Variants in TRDN observed in about 807,000 individuals in gnomAD.
TRDN encodes triadin.
Under a neutral mutation model 149.7 loss-of-function variants are expected in TRDN, and 161 were observed. The ratio of observed to expected loss-of-function variants is 1.08; its 90% CI spans 0.95 to 1.23. The LOEUF (loss-of-function observed/expected upper bound fraction) is 1.23, where lower values mean the gene tolerates loss of function less well. Among genes scored for constraint, TRDN ranks in the 50% most tolerant of loss-of-function variants. The pLI is 0.00. For missense variants in TRDN, 896 were observed against 823.5 expected, an observed-to-expected ratio of 1.09 and a Z score of -1.08; for synonymous variants, 294 against 250.5, an observed-to-expected ratio of 1.17 and a Z score of -1.64.
intron 24 of TRDN, among the ~76,000 whole-genome samples, chr6:123,281,969 G>C (rs1303188907): frequency 6.6e-6 from 1 of 151,988 alleles, no homozygotes; most frequent in Non-Finnish European, 1.5e-5. Flanking sequence ...TGTGGAAATA[G>C]AGTTTTTGCA....
chr6:123,524,781 A>G (rs1385692566), intron 5 of TRDN, among the ~76,000 whole-genome samples: 1 of 152,178 alleles, frequency 6.6e-6, no homozygotes, highest in Middle Eastern at 3.2e-3. Flanking sequence ...CCTGAGTTCC[A>G]TAAGCATAGT....
rs1450489219 is a variant in TRDN, at chr6:123,346,486, A to G, written c.1369+6053T>C. Among the ~76,000 whole-genome samples the G allele has an allele frequency of 2.0e-5, 3 of 152,014 alleles. No individual in the cohort carries two copies. In the East Asian group the frequency reaches 5.8e-4, roughly 29 times the overall value. On this transcript the variant is annotated intron_variant, in intron 21 of 40. Coordinates refer to ENST00000334268, the MANE Select transcript of TRDN (RefSeq NM_006073.4). ...ATTGTAATCTTTGTGATGGATATGT[A>G]CACAGAAAGAAAATTGAGGTCCAAG...
At chr6:123,623,590 C>T (rs1785505776) in intron 1 of TRDN, among the ~76,000 whole-genome samples, 1 of 151,836 alleles carries the variant, frequency 6.6e-6, no homozygotes, top group Non-Finnish European at 1.5e-5. Context: ...TTCACTGAAC[C>T]CAAGATCACC....
chr6:123,542,173 T>C (rs1191059606), intron 4 of TRDN, among the ~76,000 whole-genome samples: 1 of 152,252 alleles, frequency 6.6e-6, no homozygotes, highest in Non-Finnish European at 1.5e-5. Flanking sequence ...AATCTCTTCC[T>C]CTGCCATTGA....
intron 38 of TRDN, among the ~76,000 whole-genome samples, chr6:123,250,360 A>G (rs933810436): frequency 2.6e-5 from 4 of 151,920 alleles, no homozygotes; most frequent in African/African-American, 9.7e-5. Flanking sequence ...CAAATGACTG[A>G]AAAAAAAGTC....
intron 2 of TRDN, among the ~76,000 whole-genome samples, chr6:123,553,245 G>T (rs182469805): frequency 6.6e-6 from 1 of 152,186 alleles, no homozygotes; most frequent in Admixed American, 6.5e-5. Flanking sequence ...CTACACAACT[G>T]GTGTTTCCAG....
At chr6:123,325,419 C>T (rs180884137) in intron 23 of TRDN, among the ~76,000 whole-genome samples, 1 of 151,908 alleles carries the variant, frequency 6.6e-6, no homozygotes. Context: ...ATATTCTAGA[C>T]CCAGTATTAG....
intron 38 of TRDN, among the ~76,000 whole-genome samples, chr6:123,242,121 C>T (rs1385140103): frequency 6.6e-6 from 1 of 152,138 alleles, no homozygotes; most frequent in Admixed American, 6.6e-5. Flanking sequence ...AGCCTTATGA[C>T]TCTTCCGGTT....
At chr6:123,260,561 A>G (rs1776727283) in intron 34 of TRDN, 51 bp downstream of exon 34, 3 of 1,459,428 alleles carry the variant, frequency 2.1e-6, no homozygotes, top group Non-Finnish European at 2.7e-6. Flanking sequence ...TTAAATTTAC[A>G]TACTGTTTCC....
intron 24 of TRDN, among the ~76,000 whole-genome samples, chr6:123,294,658 T>C (rs1778131555): frequency 7.1e-6 from 1 of 140,432 alleles, no homozygotes; most frequent in African/African-American, 2.6e-5. Flanking sequence ...CAGACAATAA[T>C]GCTCACTGGC....
In TRDN at chr6:123,269,883, C is replaced by T. The variant is rs1291623538; in HGVS notation, c.1721-17G>A. 3 of 1,609,342 alleles carry T rather than the reference C, an allele frequency of 1.9e-6. No individual in the cohort carries two copies. In the South Asian group the frequency reaches 3.3e-5, roughly 18 times the overall value. On this transcript the variant is annotated splice_polypyrimidine_tract_variant and intron_variant, in intron 30 of 40. Transcript: ENST00000334268. ...TGGGCTTGGCTGTGGAGAATGGAGG[C>T]AAGCACATGGCATATTGATGAGTAC... is the stretch of plus-strand genomic sequence containing the variant.
chr6:123,568,522 T>A (rs928725044), intron 2 of TRDN, among the ~76,000 whole-genome samples: 1 of 152,254 alleles, frequency 6.6e-6, no homozygotes, highest in Non-Finnish European at 1.5e-5. Context: ...ACCCAGAATT[T>A]CCCATACATT....
intron 1 of TRDN, among the ~76,000 whole-genome samples, chr6:123,598,641 A>G (rs575979416): frequency 6.6e-6 from 1 of 152,092 alleles, no homozygotes; most frequent in Non-Finnish European, 1.5e-5. Flanking sequence ...TTATTGGAAC[A>G]TAGCCACACC....
At chr6:123,394,862 T>A (rs1287642995) in intron 12 of TRDN, among the ~76,000 whole-genome samples, 1 of 152,136 alleles carries the variant, frequency 6.6e-6, no homozygotes, top group Non-Finnish European at 1.5e-5. Context: ...ATAATTAATT[T>A]TTTTTCTGGA....
intron 23 of TRDN, among the ~76,000 whole-genome samples, chr6:123,322,952 T>C (rs1330019712): frequency 6.6e-6 from 1 of 152,138 alleles, no homozygotes; most frequent in Non-Finnish European, 1.5e-5. Context: ...CCCACCTTTT[T>C]TCACTGTCTT....
intron 5 of TRDN, among the ~76,000 whole-genome samples, chr6:123,518,374 A>G (rs966692255): frequency 3.9e-5 from 6 of 152,162 alleles, no homozygotes; most frequent in East Asian, 1.9e-4. Context: ...AACCAAGAGA[A>G]AATCTTGGCA....
At chr6:123,612,378 G>A (rs1784863329) in intron 1 of TRDN, among the ~76,000 whole-genome samples, 1 of 151,434 alleles carries the variant, frequency 6.6e-6, no homozygotes. Flanking sequence ...CCTGCACGTT[G>A]TGCACATGTA....
intron 38 of TRDN, among the ~76,000 whole-genome samples, chr6:123,243,134 T>A (rs1776050858): frequency 6.6e-6 from 1 of 152,024 alleles, no homozygotes; most frequent in Admixed American, 6.6e-5. Context: ...AAACTACGTG[T>A]CCCTAGTTGC....
At chr6:123,228,367 T>C (rs1308533408) in intron 38 of TRDN, among the ~76,000 whole-genome samples, 1 of 151,902 alleles carries the variant, frequency 6.6e-6, no homozygotes, top group Non-Finnish European at 1.5e-5. Context: ...CTGCCCAAGA[T>C]GGGTAATTTA....
Sources: gnomAD v4.1 joint callset for allele counts (sites outside exome capture counted in the v4.1 genomes callset) on GRCh38, gnomAD v4.1.1 for gene constraint, MANE v1.5 for transcripts, NCBI Gene and HGNC (gene_info 2026-07-23, HGNC 2026-07-21) for gene names.